The following LDHAL6A variants were observed in gnomAD, a reference collection of about 807,000 sequenced individuals.
LDHAL6A encodes the protein lactate dehydrogenase A like 6A.
In LDHAL6A, 19 loss-of-function variants were observed where a neutral mutation model predicts 28.2. The ratio of observed to expected loss-of-function variants is 0.67; its 90% CI spans 0.47 to 0.99. The LOEUF (loss-of-function observed/expected upper bound fraction) is 0.99, where lower values mean the gene tolerates loss of function less well. LDHAL6A is among the 50% of genes least tolerant of loss of function. The pLI is 0.00. For missense variants in LDHAL6A, 372 were observed against 398.6 expected (o/e 0.93, Z 0.57); for synonymous variants, 144 against 134.4 (o/e 1.07, Z -0.49).
At chr11:18,465,586 A>G (rs1441772720) in intron 2 of LDHAL6A, 51 bp from the exon 3 acceptor site, 2 of 1,491,038 alleles carry the variant, frequency 1.3e-6, no homozygotes, top group Non-Finnish European at 1.8e-6. Flanking sequence ...GTATACTTAA[A>G]TGCCAGATGT....
At chr11:18,464,120 T>C in intron 2 of LDHAL6A, 42 bp downstream of exon 2, 1 of 1,269,178 alleles carries the variant, frequency 7.9e-7, no homozygotes, top group East Asian at 2.3e-5. Context: ...CTAATATACA[T>C]GAACAAGTAT....
chr11:18,465,723 C>T lies in LDHAL6A; in HGVS notation c.331C>T (p.Gln111Ter), dbSNP rs1378159765. ...KKGETRLDLVQRNVSIFKLMI... is the reference protein window; with the variant it reads ...KKGETRLDLV ...AGGAGAAACACGCCTTGATTTAGTC[C>T]AGCGAAATGTATCCATCTTTAAATT... The change falls in exon 3 of 7, where the codon CAG becomes TAG. Residue 111 changes from glutamine to a stop codon, truncating the protein, a stop_gained. Transcript: ENST00000280706. LOFTEE classifies it high-confidence loss of function. The T allele has an allele frequency of 6.2e-7, 1 of 1,613,486 alleles. No individual in the cohort carries two copies. The highest frequency in any genetic ancestry group is 1.3e-5 in the African/African-American group (1 of 74,890).
In LDHAL6A at chr11:18,479,093, TTGA is replaced by T; in HGVS notation, c.*224_*226del. ...GGCACAATCATGGCTCACTGCAACCTTGACCTCCCGAGCTCAGGTGAGCCTCCC... is the reference window on the plus strand; with the variant it reads ...GGCACAATCATGGCTCACTGCAACCTCCTCCCGAGCTCAGGTGAGCCTCCC... On this transcript the variant is annotated 3_prime_UTR_variant, in exon 7 of 7. Coordinates refer to ENST00000280706, the MANE Select transcript of LDHAL6A (RefSeq NM_144972.5). 8.0e-6 allele frequency: 3 copies of T among 375,760 alleles called. No homozygotes were observed. Among genetic ancestry groups the T allele is most frequent in the South Asian group, 3.3e-5 (1 of 30,120 alleles). The allele number at this position is 375,760 out of a possible 1,614,324, so 23.3% of individuals were successfully genotyped here.
chr11:18,466,665 AAAAAAAG>A (rs1316901361), intron 3 of LDHAL6A, among the ~76,000 whole-genome samples: 1 of 151,808 alleles, frequency 6.6e-6, no homozygotes, highest in Non-Finnish European at 1.5e-5. Context: ...AAAAAAAAAA[AAAAAAAG>A]TAGTGTGTAT....
intron 1 of LDHAL6A, among the ~76,000 whole-genome samples, chr11:18,457,230 A>G (rs774175516): frequency 6.6e-6 from 1 of 152,122 alleles, no homozygotes; most frequent in Non-Finnish European, 1.5e-5. Context: ...TAGTCTGTAT[A>G]TCTTTATTTC....
In LDHAL6A at chr11:18,477,184, G is replaced by GCTCATGC. The variant is rs565599480; in HGVS notation, c.711-425_711-419dup. Among the ~76,000 whole-genome samples, 894 of 151,696 alleles carry GCTCATGC rather than the reference G, an allele frequency of 5.9e-3. 9 individuals are homozygous for GCTCATGC. The highest frequency in any genetic ancestry group is 0.021 in the African/African-American group (859 of 41,328). On this transcript the variant is annotated intron_variant, in intron 5 of 6. Coordinates refer to ENST00000280706, the MANE Select transcript of LDHAL6A (RefSeq NM_144972.5). ...TGCATATATATGGCCGGGCGTGGTG[G>GCTCATGC]CTCATGCCTCATGCCTCTAATCTCA... is the stretch of plus-strand genomic sequence containing the variant.
Position 18,475,519 on chromosome 11 carries a change from G to C in LDHAL6A, c.472G>C (p.Val158Leu). The C allele has an allele frequency of 6.2e-7, 1 of 1,614,070 alleles. No individual in the cohort carries two copies. Among genetic ancestry groups the C allele is most frequent in the African/African-American group, 1.3e-5 (1 of 75,048 alleles). Residue 158 changes from valine (V) to leucine (L), a missense_variant, in exon 4 of 7, where the codon GTT becomes CTT. Physicochemically the swap from Val to Leu is conservative, Grantham distance 32. Around this residue, in one of 3 missense-constraint regions of LDHAL6A, gnomAD observed 291 missense variants for 302.9 expected, o/e 0.96. Coordinates refer to ENST00000280706, the MANE Select transcript of LDHAL6A (RefSeq NM_144972.5). Reference protein sequence around the residue: ...WKLSGFPKNRVIGSGCNLDSA... With the variant: ...WKLSGFPKNRLIGSGCNLDSA... Reference sequence around the variant, plus strand: ...GTTGAGTGGATTTCCCAAAAACCGTGTTATTGGAAGTGGTTGTAATCTGGA... The same window carrying C: ...GTTGAGTGGATTTCCCAAAAACCGTCTTATTGGAAGTGGTTGTAATCTGGA...
intron 3 of LDHAL6A, among the ~76,000 whole-genome samples, chr11:18,470,642 A>C (rs1216569613): frequency 6.6e-6 from 1 of 151,946 alleles, no homozygotes; most frequent in Non-Finnish European, 1.5e-5. Flanking sequence ...TTTTTTAAAC[A>C]TTACTAACTT....
chr11:18,477,829 T>G, intron 6 of LDHAL6A, 86 bp downstream of exon 6: 1 of 1,305,718 alleles, frequency 7.7e-7, no homozygotes, highest in East Asian at 2.5e-5. Context: ...GTTTTGGGTT[T>G]GATCTCGTGG....
chr11:18,475,011 T>G (rs932448322), intron 3 of LDHAL6A, among the ~76,000 whole-genome samples: 2 of 152,114 alleles, frequency 1.3e-5, no homozygotes, highest in African/African-American at 2.4e-5. Context: ...GAGGCCAAGG[T>G]AGGTGAATCA....
intron 5 of LDHAL6A, among the ~76,000 whole-genome samples, chr11:18,477,091 T>A (rs948703740): frequency 1.3e-5 from 2 of 151,626 alleles, no homozygotes. Context: ...GTGGCTTGCT[T>A]GAGCCCAGGA....
Position 18,456,660 on chromosome 11 carries a change from C to G in LDHAL6A, c.-21C>G. The stretch of plus-strand genomic sequence containing the variant: ...TCTTGGAAATGGCTGTGCAATTTGT[C>G]TTCACTGTTAGGTTTCCAAGATGGC... On this transcript the variant is annotated 5_prime_UTR_variant, in exon 1 of 7. Transcript: ENST00000280706. 2 of 1,612,298 alleles carry G rather than the reference C, an allele frequency of 1.2e-6. No individual in the cohort carries two copies. The highest frequency in any genetic ancestry group is 1.7e-6 in the Non-Finnish European group (2 of 1,179,220).
At chr11:18,462,647 C>CAAAAAAAAAAA (rs1333640595) in intron 1 of LDHAL6A, among the ~76,000 whole-genome samples, 1 of 63,890 alleles carries the variant, frequency 1.6e-5, no homozygotes, top group African/African-American at 1.1e-4. Context: ...AAAAAACAAA[C>CAAAAAAAAAAA]AAACAAACAA....
intron 3 of LDHAL6A, among the ~76,000 whole-genome samples, chr11:18,471,503 C>A (rs1239617822): frequency 6.6e-6 from 1 of 151,956 alleles, no homozygotes; most frequent in African/African-American, 2.4e-5. Flanking sequence ...AACCGCCACG[C>A]CTGCATACAG....
chr11:18,475,400 A>G, intron 3 of LDHAL6A, 66 bp from the exon 4 acceptor site: 2 of 1,254,484 alleles, frequency 1.6e-6, no homozygotes, highest in South Asian at 2.8e-5. Flanking sequence ...GTTTTAAGTT[A>G]GGTAAATCTA....
intron 3 of LDHAL6A, 142 bp from the exon 4 acceptor site, chr11:18,475,324 G>A (rs1849344905): frequency 1.1e-5 from 7 of 636,586 alleles, no homozygotes; most frequent in Admixed American, 2.8e-5. Context: ...TTAAGAGTTG[G>A]CGTATAGCTG....
In LDHAL6A at chr11:18,465,714, G is replaced by A. The variant is rs1849053251; in HGVS notation, c.322G>A (p.Asp108Asn). The A allele has an allele frequency of 6.2e-7, 1 of 1,613,968 alleles. No individual in the cohort carries two copies. Among genetic ancestry groups the A allele is most frequent in the East Asian group, 2.2e-5 (1 of 44,880 alleles). The change falls in exon 3 of 7, where the codon GAT becomes AAT. Residue 108 changes from aspartate to asparagine, a missense_variant. Around this residue, in one of 3 missense-constraint regions of LDHAL6A, gnomAD observed 291 missense variants for 302.9 expected, o/e 0.96. Coordinates refer to ENST00000280706, the MANE Select transcript of LDHAL6A (RefSeq NM_144972.5). ...ARQKKGETRL[D>N]LVQRNVSIFK... ...CCAGAAAAAAGGAGAAACACGCCTTGATTTAGTCCAGCGAAATGTATCCAT... is the reference window on the plus strand; with the variant it reads ...CCAGAAAAAAGGAGAAACACGCCTTAATTTAGTCCAGCGAAATGTATCCAT...
chr11:18,472,258 T>C (rs1048025865), intron 3 of LDHAL6A, among the ~76,000 whole-genome samples: 3 of 152,192 alleles, frequency 2.0e-5, no homozygotes, highest in African/African-American at 4.8e-5. Context: ...ACTTGACAGC[T>C]TTATGTATGA....
chr11:18,456,554 C>T lies in LDHAL6A; in HGVS notation c.-127C>T, dbSNP rs1848761085. On this transcript the variant is annotated 5_prime_UTR_variant, in exon 1 of 7. Transcript: ENST00000280706. ...TCGGTCTTTTGTGTGTCTGCAGCACCTCCTTCCACACGGGCCCAGGAGTTC... is the reference window on the plus strand; with the variant it reads ...TCGGTCTTTTGTGTGTCTGCAGCACTTCCTTCCACACGGGCCCAGGAGTTC... 1 of 761,304 alleles carries T rather than the reference C, an allele frequency of 1.3e-6. No homozygotes were observed. Among genetic ancestry groups the T allele is most frequent in the Non-Finnish European group, 2.1e-6 (1 of 475,322 alleles). 47.2% of individuals were successfully genotyped at this position (761,304 alleles called of 1,614,324 possible). A position where few individuals can be genotyped will look rare whatever the true frequency, so the allele number is the denominator to read the frequency against.
Sources: gnomAD v4.1 joint callset for allele counts (sites outside exome capture counted in the v4.1 genomes callset) on GRCh38, gnomAD v4.1.1 for gene constraint, gnomAD v4.1.1 regional missense constraint, MANE v1.5 for transcripts, NCBI Gene and HGNC (gene_info 2026-07-23, HGNC 2026-07-21) for gene names.